GRID1: variants seen among roughly 807,000 people sequenced by gnomAD.
GRID1 encodes glutamate receptor ionotropic, delta-1.
A neutral mutation model predicts 98.0 loss-of-function variants in GRID1; 28 were observed. The ratio of observed to expected loss-of-function variants is 0.29; its 90% CI spans 0.21 to 0.39. GRID1 has a LOEUF of 0.39. Among genes scored for constraint, GRID1 ranks in the 10% least tolerant of loss-of-function variants. The pLI, the probability that GRID1 is intolerant of heterozygous loss-of-function variation, is 1.00. For missense variants in GRID1, 1,111 were observed against 1,340.5 expected, an observed-to-expected ratio of 0.83 and a Z score of 2.67; for synonymous variants, 553 against 538.5, an observed-to-expected ratio of 1.03 and a Z score of -0.37.
intron 2 of GRID1, among the ~76,000 whole-genome samples, chr10:86,282,621 G>A (rs1029127483): frequency 1.3e-5 from 2 of 152,154 alleles, no homozygotes; most frequent in Non-Finnish European, 2.9e-5. Context: ...TTTAAGCATG[G>A]CAGTACCCAA....
intron 8 of GRID1, among the ~76,000 whole-genome samples, chr10:85,775,299 G>A (rs978373443): frequency 1.4e-5 from 2 of 147,292 alleles, no homozygotes; most frequent in Non-Finnish European, 3.0e-5. Context: ...ACACAGGAAG[G>A]GGAACATCAC....
chr10:85,838,612 G>A (rs1842933564), intron 8 of GRID1, among the ~76,000 whole-genome samples: 1 of 152,100 alleles, frequency 6.6e-6, no homozygotes, highest in South Asian at 2.1e-4. Context: ...GAGGGAATTT[G>A]TTACCACCAG....
intron 12 of GRID1, among the ~76,000 whole-genome samples, chr10:85,706,911 G>A (rs1841526472): frequency 6.6e-6 from 1 of 152,200 alleles, no homozygotes; most frequent in Admixed American, 6.5e-5. Flanking sequence ...CTAGCCATAT[G>A]TAGAAAGCTG....
chr10:86,137,328 T>A (rs979111442), intron 4 of GRID1, among the ~76,000 whole-genome samples: 6 of 152,334 alleles, frequency 3.9e-5, no homozygotes, highest in Middle Eastern at 3.4e-3. Flanking sequence ...GTGATGCAAA[T>A]GGCCCAAGGT....
intron 5 of GRID1, among the ~76,000 whole-genome samples, chr10:85,895,012 AAAAAATATAT>A (rs1841267338): frequency 8.6e-6 from 1 of 115,970 alleles, no homozygotes; most frequent in South Asian, 2.6e-4. Context: ...AAAAAAAAAA[AAAAAATATAT>A]ATATATATAT....
chr10:85,926,869 A>C (rs1446863583), intron 4 of GRID1, among the ~76,000 whole-genome samples: 1 of 152,236 alleles, frequency 6.6e-6, no homozygotes, highest in Non-Finnish European at 1.5e-5. Context: ...ATTAGACAAA[A>C]TTAGCCATAA....
At chr10:86,351,813 G>A (rs903775822) in intron 2 of GRID1, among the ~76,000 whole-genome samples, 1 of 152,210 alleles carries the variant, frequency 6.6e-6, no homozygotes, top group Non-Finnish European at 1.5e-5. Context: ...AACAATAACT[G>A]TAGCTGTTCT....
intron 2 of GRID1, among the ~76,000 whole-genome samples, chr10:86,316,233 C>T (rs2132091777): frequency 6.6e-6 from 1 of 152,360 alleles, no homozygotes; most frequent in South Asian, 2.1e-4. Context: ...CCAGAATCCC[C>T]CAGGCAGACT....
At chr10:86,287,510 A>G (rs1163335616) in intron 2 of GRID1, among the ~76,000 whole-genome samples, 1 of 152,212 alleles carries the variant, frequency 6.6e-6, no homozygotes, top group Non-Finnish European at 1.5e-5. Context: ...CCCTGGATCA[A>G]ATGGGCTTGT....
At chr10:86,051,678 C>T (rs913287904) in intron 4 of GRID1, among the ~76,000 whole-genome samples, 17 of 152,178 alleles carry the variant, frequency 1.1e-4, no homozygotes. Context: ...AACTCCTGAG[C>T]ATGTGATAAG....
chr10:85,629,440 G>A (rs1181586525), intron 13 of GRID1, among the ~76,000 whole-genome samples: 2 of 150,746 alleles, frequency 1.3e-5, no homozygotes, highest in African/African-American at 4.9e-5. Flanking sequence ...ATGTCCAGGT[G>A]TACACATTAT....
At chr10:86,083,475 C>T (rs1844006719) in intron 4 of GRID1, among the ~76,000 whole-genome samples, 1 of 152,214 alleles carries the variant, frequency 6.6e-6, no homozygotes, top group African/African-American at 2.4e-5. Context: ...TTTCGCTCCT[C>T]GCTGTCATGA....
At position 85,760,320 on chromosome 10, in the gene GRID1, T is replaced by C. The variant is rs1048398083; in HGVS notation, c.1234-30706A>G. Among the ~76,000 whole-genome samples the C allele has an allele frequency of 1.3e-5, 2 of 152,202 alleles. 1 individual carries two copies. The highest frequency in any genetic ancestry group is 1.3e-4 in the Admixed American group (2 of 15,280). On this transcript the variant is annotated intron_variant, in intron 8 of 15. Transcript: ENST00000327946. ...GCAAGAACTCAGTAGATTTTAGGTG[T>C]TATTATTATTGTCATTGGCCTGATT...
intron 8 of GRID1, among the ~76,000 whole-genome samples, chr10:85,785,956 G>A (rs965220277): frequency 2.7e-5 from 4 of 150,198 alleles, no homozygotes; most frequent in South Asian, 2.1e-4. Context: ...ATACACACAC[G>A]TGTACATACC....
At chr10:86,177,159 C>G (rs1478202603) in intron 3 of GRID1, among the ~76,000 whole-genome samples, 1 of 151,912 alleles carries the variant, frequency 6.6e-6, no homozygotes, top group Non-Finnish European at 1.5e-5. Context: ...GGAACAAGCA[C>G]TTCCAAACAG....
At chr10:85,707,620 C>A (rs943812780) in intron 12 of GRID1, among the ~76,000 whole-genome samples, 3 of 152,160 alleles carry the variant, frequency 2.0e-5, no homozygotes, top group African/African-American at 7.2e-5. Context: ...TGGGTATATA[C>A]CCAAAGGATT....
chr10:85,699,805 T>A (rs1302468441), intron 12 of GRID1, among the ~76,000 whole-genome samples: 1 of 152,214 alleles, frequency 6.6e-6, no homozygotes, highest in Non-Finnish European at 1.5e-5. Context: ...TAATTATAGA[T>A]TGCCTATCTT....
In GRID1 at chr10:85,869,010, C is replaced by A. The variant is rs1314533391; in HGVS notation, c.951G>T (p.Gln317His). The A allele has an allele frequency of 1.2e-6, 2 of 1,613,040 alleles. No homozygotes were observed. The highest frequency in any genetic ancestry group is 1.7e-6 in the Non-Finnish European group (2 of 1,179,552). ...DPQEGYLQML[Q>H]ISNLYLYDSV... ...TGGAGAGAAGAGGCTGAGCACTGAC[C>A]TGCAGCATCTGGAGGTAGCCTTCCT... Residue 317 changes from glutamine to histidine, a missense_variant and splice_region_variant, in exon 6 of 16, where the codon CAG becomes CAT. Coordinates refer to ENST00000327946, the MANE Select transcript of GRID1 (RefSeq NM_017551.3).
At chr10:86,104,437 G>A (rs1482816160) in intron 4 of GRID1, among the ~76,000 whole-genome samples, 1 of 152,186 alleles carries the variant, frequency 6.6e-6, no homozygotes, top group African/African-American at 2.4e-5. Context: ...CTTAGCCAGG[G>A]CATAGGATTC....
Sources: gnomAD v4.1 joint callset for allele counts (sites outside exome capture counted in the v4.1 genomes callset) on GRCh38, gnomAD v4.1.1 for gene constraint, MANE v1.5 for transcripts, NCBI Gene and HGNC (gene_info 2026-07-23, HGNC 2026-07-21) for gene names.